The following DPP10 variants were observed in gnomAD, a reference collection of about 807,000 sequenced individuals.
DPP10 encodes the protein dipeptidyl peptidase like 10, also known as inactive dipeptidyl peptidase 10.
DPP10 carries 33 observed loss-of-function variants against 120.9 expected under a neutral mutation model. That is an observed-to-expected ratio of 0.27 (90% confidence interval 0.21 to 0.37). The LOEUF (loss-of-function observed/expected upper bound fraction) is 0.37. DPP10 is among the 10% of genes least tolerant of loss of function. DPP10 has a pLI of 1.00. For missense variants in DPP10, 816 were observed against 942.8 expected (o/e 0.87, Z 1.76); for synonymous variants, 337 against 326.1 (o/e 1.03, Z -0.36).
chr2:114,948,947 G>C (rs1479491030), intron 1 of DPP10, among the ~76,000 whole-genome samples: 3 of 150,952 alleles, frequency 2.0e-5, no homozygotes, highest in African/African-American at 4.9e-5. Context: ...TTTTTTGAGA[G>C]GGAGTCTTGC....
At chr2:114,854,773 T>A (rs1287533663) in intron 1 of DPP10, among the ~76,000 whole-genome samples, 1 of 152,212 alleles carries the variant, frequency 6.6e-6, no homozygotes, top group Non-Finnish European at 1.5e-5. Context: ...CAGTGGCACT[T>A]TCATTTCTTT....
Position 115,836,756 on chromosome 2 carries a change from A to G in DPP10, c.2182+10A>G. The stretch of plus-strand genomic sequence containing the variant: ...CATGGAACTGCTGACAGTAAGTATT[A>G]TACTTGCCGCTGCTGTTTGATAGGG... On this transcript the variant is annotated intron_variant, in intron 24 of 25. Transcript: ENST00000410059. The G allele has an allele frequency of 3.7e-6, 6 of 1,609,150 alleles. No individual in the cohort carries two copies. Among genetic ancestry groups the G allele is most frequent in the Non-Finnish European group, 5.1e-6 (6 of 1,178,202 alleles).
intron 1 of DPP10, among the ~76,000 whole-genome samples, chr2:115,079,119 G>A (rs1265329300): frequency 1.3e-5 from 2 of 152,192 alleles, no homozygotes; most frequent in South Asian, 2.1e-4. Context: ...GGTGGCTCAC[G>A]CCTGTAATCC....
intron 2 of DPP10, among the ~76,000 whole-genome samples, chr2:115,319,074 A>G (rs1346652317): frequency 6.6e-6 from 1 of 152,030 alleles, no homozygotes; most frequent in Non-Finnish European, 1.5e-5. Flanking sequence ...GTTGAGGGAG[A>G]TTCTTTTTAT....
chr2:115,423,961 A>G (rs1009054239), intron 3 of DPP10, among the ~76,000 whole-genome samples: 2 of 152,162 alleles, frequency 1.3e-5, no homozygotes, highest in African/African-American at 2.4e-5. Context: ...AGGTACAACT[A>G]TCAAATACCA....
intron 5 of DPP10, among the ~76,000 whole-genome samples, chr2:115,639,077 T>G (rs1191196399): frequency 1.3e-5 from 2 of 152,142 alleles, no homozygotes. Flanking sequence ...GTGGTAGGTT[T>G]GGGGCCACCA....
chr2:114,661,358 C>G lies in DPP10; in HGVS notation c.60+218520C>G, dbSNP rs1337609107. Among the ~76,000 whole-genome samples, 3 of 152,138 alleles carry G rather than the reference C, an allele frequency of 2.0e-5. 1 individual carries two copies. The highest frequency in any genetic ancestry group is 4.4e-5 in the Non-Finnish European group (3 of 68,036). On this transcript the variant is annotated intron_variant, in intron 1 of 25. Transcript: ENST00000410059. ...TTAGCAAATTTGGTTTTGTAGATGTCATACTACATGCATGTAATATACATG... is the reference window on the plus strand; with the variant it reads ...TTAGCAAATTTGGTTTTGTAGATGTGATACTACATGCATGTAATATACATG...
chr2:115,258,445 T>C (rs2059102523), intron 1 of DPP10, among the ~76,000 whole-genome samples: 1 of 150,968 alleles, frequency 6.6e-6, no homozygotes, highest in Admixed American at 6.6e-5. Flanking sequence ...GAAACAAAAT[T>C]GTTCTAGCTT....
intron 7 of DPP10, among the ~76,000 whole-genome samples, chr2:115,716,707 A>T (rs1326891997): frequency 6.6e-6 from 1 of 150,424 alleles, no homozygotes; most frequent in Non-Finnish European, 1.5e-5. Context: ...ATGTTTCTGT[A>T]TTGCAAAAAC....
chr2:114,973,739 G>A (rs1251952795), intron 1 of DPP10, among the ~76,000 whole-genome samples: 1 of 149,822 alleles, frequency 6.7e-6, no homozygotes, highest in East Asian at 2.0e-4. Context: ...AGCAGGTATT[G>A]TTATCATAGG....
chr2:114,914,613 C>A (rs1447316563), intron 1 of DPP10, among the ~76,000 whole-genome samples: 1 of 152,124 alleles, frequency 6.6e-6, no homozygotes, highest in Admixed American at 6.5e-5. Context: ...AAGTATACAG[C>A]CCACTAGACT....
intron 4 of DPP10, among the ~76,000 whole-genome samples, chr2:115,516,848 A>G (rs890769580): frequency 5.3e-5 from 8 of 152,160 alleles, no homozygotes; most frequent in Admixed American, 1.3e-4. Context: ...CTTTTTATCA[A>G]AAAATATTGT....
At chr2:114,883,716 C>T (rs1413171748) in intron 1 of DPP10, among the ~76,000 whole-genome samples, 1 of 152,108 alleles carries the variant, frequency 6.6e-6, no homozygotes, top group African/African-American at 2.4e-5. Flanking sequence ...TGAATGATGC[C>T]TTAAGATGTG....
chr2:115,447,465 A>G lies in DPP10; in HGVS notation c.272-52045A>G, dbSNP rs182261832. Among the ~76,000 whole-genome samples, 24 of 152,248 alleles carry G rather than the reference A, an allele frequency of 1.6e-4. No individual in the cohort carries two copies. The East Asian group carries it at 4.5e-3, about 28-fold the overall frequency. ...AAGGGCATGAGATTTGGGAGGGGCT[A>G]GGGGTGGAATGATATGGTTTGTCCC... On this transcript the variant is annotated intron_variant, in intron 3 of 25. Transcript: ENST00000410059.
chr2:114,611,350 C>T (rs531881766), intron 1 of DPP10, among the ~76,000 whole-genome samples: 1 of 152,118 alleles, frequency 6.6e-6, no homozygotes, highest in Non-Finnish European at 1.5e-5. Context: ...TTATTTCTTC[C>T]TTTGTAGTGT....
intron 1 of DPP10, among the ~76,000 whole-genome samples, chr2:114,607,735 C>T (rs1692932601): frequency 6.6e-6 from 1 of 152,168 alleles, no homozygotes; most frequent in Non-Finnish European, 1.5e-5. Flanking sequence ...CTTGTGTTCT[C>T]TGCATCTTAC....
chr2:114,688,916 G>A (rs1699547174), intron 1 of DPP10, among the ~76,000 whole-genome samples: 1 of 151,782 alleles, frequency 6.6e-6, no homozygotes, highest in Non-Finnish European at 1.5e-5. Context: ...GATGTGGGAA[G>A]TGTGTGTATG....
intron 5 of DPP10, among the ~76,000 whole-genome samples, chr2:115,637,254 T>C (rs1319940059): frequency 1.3e-5 from 2 of 152,120 alleles, no homozygotes; most frequent in East Asian, 3.9e-4. Context: ...TGAAATTTTG[T>C]GAAGAGGAAA....
chr2:115,312,584 C>T (rs768021649), intron 2 of DPP10, among the ~76,000 whole-genome samples: 11 of 152,012 alleles, frequency 7.2e-5, no homozygotes, highest in South Asian at 4.1e-4. Context: ...CTTGATTTTG[C>T]GTGTGTCTGG....
Sources: allele counts gnomAD v4.1 joint callset (sites outside exome capture counted in the v4.1 genomes callset), GRCh38; gene constraint gnomAD v4.1.1; transcripts MANE v1.5; gene names NCBI Gene and HGNC (gene_info 2026-07-23, HGNC 2026-07-21).